TBX19: variants seen among roughly 807,000 people sequenced by gnomAD.
TBX19 encodes the protein T-box transcription factor 19.
A neutral mutation model predicts 40.9 loss-of-function variants in TBX19; 33 were observed. The observed-to-expected ratio is 0.81, with a 90% CI of 0.61 to 1.08. The LOEUF is 1.08. Among genes scored for constraint, TBX19 ranks in the 50% least tolerant of loss-of-function variants. TBX19 has a pLI of 0.00. For missense variants in TBX19, 494 were observed against 574.0 expected, an observed-to-expected ratio of 0.86 and a Z score of 1.42; for synonymous variants, 220 against 225.0, an observed-to-expected ratio of 0.98 and a Z score of 0.20.
intron 4 of TBX19, 64 bp from the exon 5 acceptor site, chr1:168,300,358 A>G (rs368288543): frequency 1.3e-4 from 191 of 1,483,260 alleles, no homozygotes; most frequent in Non-Finnish European, 1.7e-4. Context: ...AATTTTGGGT[A>G]TGCTTTATAG....
In TBX19 at chr1:168,305,060, CA is replaced by C. The variant is rs730880274; in HGVS notation, c.782del (p.Asn261IlefsTer46). The C allele has an allele frequency of 9.9e-5, 160 of 1,614,046 alleles. No homozygotes were observed. Among genetic ancestry groups the C allele is most frequent in the Non-Finnish European group, 1.3e-4 (151 of 1,180,050 alleles). On this transcript the variant is annotated frameshift_variant, in exon 6 of 8. Coordinates refer to ENST00000367821, the MANE Select transcript of TBX19 (RefSeq NM_005149.3). LOFTEE classifies it high-confidence loss of function. Reference sequence around the variant, plus strand: ...ATGGAGTGTGCACAGCAGGAAACTCCAATTACCAGTATGCCGCTCCTCTGCC... The same window carrying C: ...ATGGAGTGTGCACAGCAGGAAACTCCATTACCAGTATGCCGCTCCTCTGCC... ...PDGVCTAGNS[N>X]YQYAAPLPLP...
chr1:168,287,624 C>T (rs573252124), intron 1 of TBX19, among the ~76,000 whole-genome samples: 1 of 152,228 alleles, frequency 6.6e-6, no homozygotes, highest in South Asian at 2.1e-4. Context: ...TGTTAAGAAA[C>T]AACAAAGATT....
chr1:168,293,118 C>A, intron 2 of TBX19, 26 bp from the exon 3 acceptor site: 1 of 1,612,948 alleles, frequency 6.2e-7, no homozygotes, highest in South Asian at 1.1e-5. Flanking sequence ...TGCTTTTCTC[C>A]TCTTTCTCTT....
At chr1:168,309,338 A>C (rs1488367771) in intron 7 of TBX19, among the ~76,000 whole-genome samples, 1 of 152,150 alleles carries the variant, frequency 6.6e-6, no homozygotes, top group East Asian at 1.9e-4. Context: ...GCGCCATTGC[A>C]CTCCAGCTTG....
intron 1 of TBX19, among the ~76,000 whole-genome samples, chr1:168,285,258 A>C (rs967433446): frequency 1.0e-5 from 1 of 97,340 alleles, no homozygotes; most frequent in African/African-American, 4.1e-5. Context: ...TGCACCATGT[A>C]TGTCACACAC....
chr1:168,309,263 C>T (rs1019060658), intron 7 of TBX19, among the ~76,000 whole-genome samples: 1 of 152,136 alleles, frequency 6.6e-6, no homozygotes, highest in Non-Finnish European at 1.5e-5. Context: ...ATCCTAGCTA[C>T]TCAGGAGGCT....
intron 1 of TBX19, 56 bp downstream of exon 1, chr1:168,281,349 C>A: frequency 6.6e-7 from 1 of 1,524,176 alleles, no homozygotes; most frequent in South Asian, 1.1e-5. Flanking sequence ...AGAGATGAGA[C>A]CCCTTGAATA....
chr1:168,291,686 C>T (rs1298033018), intron 2 of TBX19, among the ~76,000 whole-genome samples: 1 of 152,090 alleles, frequency 6.6e-6, no homozygotes, highest in African/African-American at 2.4e-5. Context: ...TTCATAGTTT[C>T]GTCTTGTGTG....
intron 5 of TBX19, among the ~76,000 whole-genome samples, chr1:168,300,812 C>G (rs1311048163): frequency 6.6e-6 from 1 of 152,214 alleles, no homozygotes. Context: ...ATGCTTGCCA[C>G]TCTGGTCTCT....
At chr1:168,290,885 T>A (rs1572474822) in intron 1 of TBX19, among the ~76,000 whole-genome samples, 1 of 152,324 alleles carries the variant, frequency 6.6e-6, no homozygotes, top group East Asian at 1.9e-4. Context: ...GATGTGGCAT[T>A]TGATACATCT....
In TBX19 at chr1:168,281,560, T is replaced by C. The variant is rs73033962; in HGVS notation, c.203+267T>C. ...ACCATAAAGTGGGGGGCATGCCCCA[T>C]TGGGATGGGAAAATGGACTTAAATG... On this transcript the variant is annotated intron_variant, in intron 1 of 7. Coordinates refer to ENST00000367821, the MANE Select transcript of TBX19 (RefSeq NM_005149.3). 2.0e-3 allele frequency among the ~76,000 whole-genome samples: 310 copies of C among 152,340 alleles called. 1 individual carries two copies. Among genetic ancestry groups the C allele is most frequent in the Admixed American group, 5.4e-3 (83 of 15,302 alleles).
At chr1:168,281,360 T>C (rs1375549605) in intron 1 of TBX19, 67 bp downstream of exon 1, 27 of 1,441,978 alleles carry the variant, frequency 1.9e-5, no homozygotes, top group Non-Finnish European at 2.5e-5. Context: ...CCCTTGAATA[T>C]TGAAGAGGCT....
chr1:168,304,903 A>G lies in TBX19; in HGVS notation c.728-105A>G. ...TGGCACCATCACACAGGCTGGCATC[A>G]GTGTCATTTACAAGAATTGTAGCTG... On this transcript the variant is annotated intron_variant, in intron 5 of 7. Coordinates refer to ENST00000367821, the MANE Select transcript of TBX19 (RefSeq NM_005149.3). 5 of 1,135,256 alleles carry G rather than the reference A, an allele frequency of 4.4e-6. No homozygotes were observed. The South Asian group carries it at 5.0e-5, about 11-fold the overall frequency. 70.3% of individuals were successfully genotyped at this position (1,135,256 alleles called of 1,614,324 possible).
intron 3 of TBX19, among the ~76,000 whole-genome samples, chr1:168,295,638 C>T (rs1649084923): frequency 6.6e-6 from 1 of 152,204 alleles, no homozygotes; most frequent in African/African-American, 2.4e-5. Context: ...CAGCTGGTGG[C>T]CAGTCTTTCG....
chr1:168,281,127 G>A lies in TBX19; in HGVS notation c.37G>A (p.Asp13Asn), dbSNP rs760832699. ...MSELGTRKPS[D>N]GTVSHLLNVV... ...TGAGCTGGGCACTCGGAAGCCCAGC[G>A]ATGGCACTGTTTCTCATCTGCTCAA... Residue 13 changes from aspartate (D) to asparagine (N), a missense_variant, in exon 1 of 8, where the codon GAT (aspartate) becomes AAT (asparagine). Physicochemically the swap from Asp to Asn is conservative, Grantham distance 23. This residue lies in a region of TBX19 where 201 missense variants were observed against 235.2 expected (regional missense o/e 0.85). Coordinates refer to ENST00000367821, the MANE Select transcript of TBX19 (RefSeq NM_005149.3). The A allele has an allele frequency of 4.3e-6, 7 of 1,614,162 alleles. No homozygotes were observed. In the Admixed American group the frequency reaches 6.7e-5, roughly 15 times the overall value.
chr1:168,303,045 A>G (rs1277655147), intron 5 of TBX19, among the ~76,000 whole-genome samples: 1 of 151,976 alleles, frequency 6.6e-6, no homozygotes, highest in African/African-American at 2.4e-5. Context: ...TTATTTATTT[A>G]TTTATTTTTG....
chr1:168,298,583 C>A (rs1649175349), intron 4 of TBX19, among the ~76,000 whole-genome samples: 1 of 152,110 alleles, frequency 6.6e-6, no homozygotes, highest in African/African-American at 2.4e-5. Flanking sequence ...CAGCGACCTG[C>A]CATCTCTATA....
At chr1:168,308,326 G>A (rs1021000939) in intron 6 of TBX19, 8 of 273,606 alleles carry the variant, frequency 2.9e-5, no homozygotes, top group East Asian at 1.9e-4. Context: ...AGGGATGGCC[G>A]AGAAGAATAA....
chr1:168,303,180 A>G (rs1316697653), intron 5 of TBX19, among the ~76,000 whole-genome samples: 2 of 152,020 alleles, frequency 1.3e-5, no homozygotes. Context: ...TCCTAATGCT[A>G]TCCCTCCCCA....
Sources: allele counts gnomAD v4.1 joint callset (sites outside exome capture counted in the v4.1 genomes callset), GRCh38; gene constraint gnomAD v4.1.1; regional missense constraint gnomAD v4.1.1; transcripts MANE v1.5; gene names NCBI Gene and HGNC (gene_info 2026-07-23, HGNC 2026-07-21).